SLC48A1: variants seen among roughly 807,000 people sequenced by gnomAD.
The protein encoded by SLC48A1 is heme transporter HRG1.
Under a neutral mutation model 14.8 loss-of-function variants are expected in SLC48A1, and 6 were observed. The ratio of observed to expected loss-of-function variants is 0.41; its 90% CI spans 0.22 to 0.80. The LOEUF (loss-of-function observed/expected upper bound fraction) is 0.80, where lower values mean the gene tolerates loss of function less well. Among genes scored for constraint, SLC48A1 ranks in the 30% least tolerant of loss-of-function variants. The probability of loss-of-function intolerance (pLI) is 0.34; values close to 1 mark genes in which losing one functional copy is unlikely to be tolerated. For synonymous variants in SLC48A1, 89 were observed against 90.0 expected (o/e 0.99, Z 0.06); for missense variants, 165 against 204.8 (o/e 0.81, Z 1.19).
intron 1 of SLC48A1, among the ~76,000 whole-genome samples, chr12:47,759,871 G>C (rs935380016): frequency 3.3e-5 from 5 of 150,664 alleles, no homozygotes; most frequent in Non-Finnish European, 5.9e-5. Flanking sequence ...AGCCCAGACT[G>C]GGAAGAAGTA....
rs187056266 is a variant in SLC48A1, at chr12:47,777,786, C to A, written c.137-1242C>A. Among the ~76,000 whole-genome samples, 3 of 152,350 alleles carry A rather than the reference C, an allele frequency of 2.0e-5. No homozygotes were observed. Among genetic ancestry groups the A allele is most frequent in the Admixed American group, 2.0e-4 (3 of 15,304 alleles). On this transcript the variant is annotated intron_variant, in intron 1 of 2. Transcript: ENST00000442218. This position sits in a 1 kb window ranked among gnomAD's most constrained non-coding sequence, Gnocchi z 4.5. ...AAATAGCATAGATTTCCCACCCAGC[C>A]TAAGAAACAAAATAGCATAGATTCC...
intron 2 of SLC48A1, among the ~76,000 whole-genome samples, chr12:47,760,929 G>A (rs1300362050): frequency 6.6e-6 from 1 of 152,220 alleles, no homozygotes; most frequent in Non-Finnish European, 1.5e-5. Context: ...GGGTGCGATG[G>A]CTCACGCCTG....
intron 2 of SLC48A1, among the ~76,000 whole-genome samples, chr12:47,761,124 G>A (rs1942369317): frequency 6.6e-6 from 1 of 151,308 alleles, no homozygotes; most frequent in Non-Finnish European, 1.5e-5. Context: ...TTCAACCCGG[G>A]AGGCGAAGGT....
intron 2 of SLC48A1, among the ~76,000 whole-genome samples, chr12:47,764,649 C>A (rs1172014926): frequency 1.3e-5 from 2 of 152,226 alleles, no homozygotes; most frequent in Non-Finnish European, 2.9e-5. Flanking sequence ...CTAAGGTCCC[C>A]TTCCCAGCAT....
At chr12:47,770,209 T>C (rs1262707859), upstream of SLC48A1, among the ~76,000 whole-genome samples, 1 of 152,284 alleles carries the variant, frequency 6.6e-6, no homozygotes, top group Non-Finnish European at 1.5e-5. Flanking sequence ...CTAGTACTAC[T>C]GTTACATAAT....
At chr12:47,773,222 C>T (rs1942664477), upstream of SLC48A1, 3 of 1,098,528 alleles carry the variant, frequency 2.7e-6, no homozygotes, top group Non-Finnish European at 3.3e-6. Context: ...TGGCGGCTCC[C>T]GCGGCTCCGG....
chr12:47,772,488 T>G (rs1565779648), upstream of SLC48A1, among the ~76,000 whole-genome samples: 2 of 152,166 alleles, frequency 1.3e-5, no homozygotes, highest in African/African-American at 2.4e-5. Flanking sequence ...CTGGGCAATA[T>G]AGCGAGACCC....
At chr12:47,757,973 C>T (rs1289040772), upstream of SLC48A1, 14 of 1,565,058 alleles carry the variant, frequency 8.9e-6, no homozygotes, top group East Asian at 3.1e-4. Context: ...AGTAGTGTCC[C>T]CTCCGGCACC....
chr12:47,765,076 CAAAAAAAAAAAAAAAAAAAAAA>C (rs750174911), intron 2 of SLC48A1, among the ~76,000 whole-genome samples: 9 of 38,196 alleles, frequency 2.4e-4, no homozygotes, highest in East Asian at 9.7e-4. Context: ...GACTCTGTCT[CAAAAAAAAAAAAAAAAAAAAAA>C]AAAAAAAAAA....
At chr12:47,755,739 G>A (rs1301874795), upstream of SLC48A1, 1 of 152,236 alleles carries the variant, frequency 6.6e-6, no homozygotes, top group Non-Finnish European at 1.5e-5. Context: ...CTTCTTCTCT[G>A]GGAGGTTGAT....
rs1942776649 is a variant in SLC48A1, at chr12:47,777,399, T to C, written c.137-1629T>C. Among the ~76,000 whole-genome samples, 1 of 152,188 alleles carries C rather than the reference T, an allele frequency of 6.6e-6. No homozygotes were observed. The highest frequency in any genetic ancestry group is 2.4e-5 in the African/African-American group (1 of 41,452). On this transcript the variant is annotated intron_variant, in intron 1 of 2. Coordinates refer to ENST00000442218, the MANE Select transcript of SLC48A1 (RefSeq NM_017842.3). The surrounding 1 kb of genome is among the most constrained non-coding windows in gnomAD (Gnocchi z 4.5). ...CGGTGGCAGGGGCTGAGGGAAGCTG[T>C]AGGCTTGGTAGGCCTTCACCCTCAC...
upstream of SLC48A1, chr12:47,770,907 C>T (rs997299392): frequency 3.3e-5 from 15 of 456,654 alleles, no homozygotes; most frequent in African/African-American, 1.4e-4. Flanking sequence ...ATCACACGTG[C>T]GGTTCCCACT....
chr12:47,774,746 C>T (rs1942704564), intron 1 of SLC48A1, among the ~76,000 whole-genome samples: 1 of 152,108 alleles, frequency 6.6e-6, no homozygotes, highest in Non-Finnish European at 1.5e-5. Context: ...GATGGGCACC[C>T]TGGCTAGGGT....
chr12:47,757,428 A>G (rs1479594813), upstream of SLC48A1, among the ~76,000 whole-genome samples: 1 of 152,148 alleles, frequency 6.6e-6, no homozygotes, highest in Admixed American at 6.5e-5. Flanking sequence ...ACCAAAACGC[A>G]GAATTAGCAC....
chr12:47,769,180 G>C (rs1942576301), upstream of SLC48A1: 1 of 152,258 alleles, frequency 6.6e-6, no homozygotes, highest in Non-Finnish European at 1.5e-5. Flanking sequence ...CCGTTTGACT[G>C]CAAGGAAGCT....
At position 47,780,318 on chromosome 12, in the gene SLC48A1, T is replaced by G. The variant is rs1477758261; in HGVS notation, c.*37T>G. 1 of 1,614,062 alleles carries G rather than the reference T, an allele frequency of 6.2e-7. No homozygotes were observed. Among genetic ancestry groups the G allele is most frequent in the East Asian group, 2.2e-5 (1 of 44,868 alleles). On this transcript the variant is annotated 3_prime_UTR_variant, in exon 3 of 3. Transcript: ENST00000442218. ...AGGTCTCTGCACCCTGGGGGGGCCT[T>G]AGGACCTGGACTCAGCCTCTGAGAT...
chr12:47,777,420 C>T lies in SLC48A1; in HGVS notation c.137-1608C>T, dbSNP rs1022643424. ...GCTGTAGGCTTGGTAGGCCTTCACC[C>T]TCACTAGGGTAGAACCCTGGGCCCA... On this transcript the variant is annotated intron_variant, in intron 1 of 2. Transcript: ENST00000442218. The surrounding 1 kb of genome is among the most constrained non-coding windows in gnomAD (Gnocchi z 4.5). 6.6e-6 allele frequency among the ~76,000 whole-genome samples: 1 copy of T among 152,228 alleles called. No individual in the cohort carries two copies. The highest frequency in any genetic ancestry group is 2.4e-5 in the African/African-American group (1 of 41,460).
At chr12:47,774,716 C>T (rs1261777124) in intron 1 of SLC48A1, among the ~76,000 whole-genome samples, 1 of 152,162 alleles carries the variant, frequency 6.6e-6, no homozygotes, top group East Asian at 1.9e-4. Flanking sequence ...CAACAAAGCA[C>T]TGGGTCACCA....
At position 47,780,408 on chromosome 12, in the gene SLC48A1, C is replaced by A; in HGVS notation, c.*127C>A. On this transcript the variant is annotated 3_prime_UTR_variant, in exon 3 of 3. Transcript: ENST00000442218. ...CTGTGGCAGAAAATACACAGCAGGA[C>A]GAGTGTGGTCTCCCAGGAAGCTGTC... 1 of 1,416,990 alleles carries A rather than the reference C, an allele frequency of 7.1e-7. No homozygotes were observed. The highest frequency in any genetic ancestry group is 1.0e-6 in the Non-Finnish European group (1 of 1,001,004). 87.8% of individuals were successfully genotyped at this position (1,416,990 alleles called of 1,614,324 possible).
Sources: allele counts gnomAD v4.1 joint callset (sites outside exome capture counted in the v4.1 genomes callset), GRCh38; gene constraint gnomAD v4.1.1; non-coding constraint Gnocchi (gnomAD v3.1); transcripts MANE v1.5; gene names NCBI Gene and HGNC (gene_info 2026-07-23, HGNC 2026-07-21).